Variants in TAF1A observed in about 807,000 individuals in gnomAD.
TAF1A encodes the protein TATA box-binding protein-associated factor RNA polymerase I subunit A.
A neutral mutation model predicts 61.6 loss-of-function variants in TAF1A; 42 were observed. The ratio of observed to expected loss-of-function variants is 0.68; its 90% confidence interval spans 0.53 to 0.88. The LOEUF (loss-of-function observed/expected upper bound fraction) is 0.88. Ranked by LOEUF, TAF1A falls within the 40% of genes least tolerant of loss-of-function variation. TAF1A has a pLI of 0.00. For synonymous variants in TAF1A, 179 were observed against 177.7 expected, an observed-to-expected ratio of 1.01 and a Z score of -0.06; for missense variants, 424 against 518.7, an observed-to-expected ratio of 0.82 and a Z score of 1.77.
chr1:222,570,585 ATGCAGAAATATT>A lies in TAF1A; in HGVS notation c.673_684del (p.Asn225_Ala228del), dbSNP rs1319383597. ...TCCCAAACTCCAGGAATTTTAATCA[ATGCAGAAATATT>A]TGCAGATGTCTTCCAGCTGTGGTTG... On this transcript the variant is annotated inframe_deletion, in exon 6 of 11. Transcript: ENST00000352967. The A allele has an allele frequency of 3.3e-5, 53 of 1,613,174 alleles. No individual in the cohort carries two copies. The highest frequency in any genetic ancestry group is 4.5e-5 in the Non-Finnish European group (53 of 1,179,422).
At chr1:222,561,329 G>C in intron 10 of TAF1A, 35 bp downstream of exon 10, 1 of 1,577,520 alleles carries the variant, frequency 6.3e-7, no homozygotes, top group Non-Finnish European at 8.6e-7. Flanking sequence ...ATCAGCCAAA[G>C]CTGTGTCTAG....
At chr1:222,583,405 TA>T (rs1660872674) in intron 3 of TAF1A, among the ~76,000 whole-genome samples, 1 of 119,762 alleles carries the variant, frequency 8.3e-6, no homozygotes, top group South Asian at 3.2e-4. Context: ...TGATGGCGTA[TA>T]AAAAACGTCT....
chr1:222,561,730 T>G (rs777270393), intron 9 of TAF1A, among the ~76,000 whole-genome samples: 1 of 152,194 alleles, frequency 6.6e-6, no homozygotes, highest in Non-Finnish European at 1.5e-5. Context: ...ATTTTCCATT[T>G]CACTAAACAG....
intron 7 of TAF1A, among the ~76,000 whole-genome samples, chr1:222,565,160 G>A (rs575742358): frequency 2.0e-4 from 30 of 152,164 alleles, no homozygotes; most frequent in Non-Finnish European, 3.7e-4. Context: ...CCCTTCAAAT[G>A]CCAGTGTTTT....
chr1:222,563,983 G>A (rs533395197), intron 8 of TAF1A, 76 bp downstream of exon 8: 49 of 862,932 alleles, frequency 5.7e-5, no homozygotes, highest in South Asian at 2.8e-4. Flanking sequence ...GGATTTAGCC[G>A]ATGGGCTAAA....
chr1:222,582,956 G>A (rs867565398), intron 3 of TAF1A, among the ~76,000 whole-genome samples: 5 of 152,136 alleles, frequency 3.3e-5, no homozygotes, highest in African/African-American at 1.2e-4. Flanking sequence ...GGCCGAGGTG[G>A]ACAGATCACT....
At chr1:222,583,049 G>C (rs1660854775) in intron 3 of TAF1A, among the ~76,000 whole-genome samples, 1 of 152,144 alleles carries the variant, frequency 6.6e-6, no homozygotes, top group Admixed American at 6.5e-5. Context: ...GATAGGTGTG[G>C]TGGTGCATGC....
At chr1:222,576,208 G>A (rs1660566774) in intron 5 of TAF1A, among the ~76,000 whole-genome samples, 1 of 152,140 alleles carries the variant, frequency 6.6e-6, no homozygotes, top group Non-Finnish European at 1.5e-5. Context: ...GATCCAATGA[G>A]TCTTGAAGAA....
intron 7 of TAF1A, among the ~76,000 whole-genome samples, chr1:222,567,268 T>C (rs1190729452): frequency 6.6e-6 from 1 of 152,142 alleles, no homozygotes; most frequent in Non-Finnish European, 1.5e-5. Context: ...AGATGGAAAT[T>C]AGCACAGAGG....
intron 2 of TAF1A, among the ~76,000 whole-genome samples, chr1:222,587,089 C>G (rs147896837): frequency 1.3e-5 from 2 of 152,270 alleles, no homozygotes; most frequent in East Asian, 3.9e-4. Context: ...CTAGTTTGTT[C>G]CCTACCAGGG....
chr1:222,570,407 G>C (rs1360595412), intron 6 of TAF1A, 128 bp downstream of exon 6: 14 of 956,830 alleles, frequency 1.5e-5, no homozygotes, highest in Non-Finnish European at 1.9e-5. Flanking sequence ...AAGAGACACC[G>C]TATTTTTGCT....
rs376604110 is a variant in TAF1A at position 222,569,491 on chromosome 1, C to T, written c.894+19G>A. The T allele has an allele frequency of 5.9e-5, 95 of 1,613,244 alleles. No individual in the cohort carries two copies. The African/African-American group carries it at 8.8e-4, about 15-fold the overall frequency. ...TAGATTCCCAACCCTGGTCAAACAT[C>T]GAGATAAAAATTCTATACCTTAAGC... On this transcript the variant is annotated intron_variant, in intron 7 of 10. Transcript: ENST00000352967.
At chr1:222,587,250 T>C (rs754524052) in intron 2 of TAF1A, among the ~76,000 whole-genome samples, 23 of 152,202 alleles carry the variant, frequency 1.5e-4, no homozygotes, top group Non-Finnish European at 2.5e-4. Context: ...ACTTTACATA[T>C]ATTGTCTCAT....
chr1:222,558,989 A>C (rs1230735702), intron 10 of TAF1A, among the ~76,000 whole-genome samples: 1 of 152,218 alleles, frequency 6.6e-6, no homozygotes, highest in African/African-American at 2.4e-5. Context: ...ATATGGCATA[A>C]GTATATTCTC....
rs1659834760 is a variant in TAF1A at position 222,559,682 on chromosome 1, T to G, written c.1241-910A>C. On this transcript the variant is annotated intron_variant, in intron 10 of 10. Coordinates refer to ENST00000352967, the MANE Select transcript of TAF1A (RefSeq NM_005681.4). ...TGCCAGAATTGCTAACATCTTTGTTTTGTTGTTTTTCCTGAGATGGGGTCT... is the reference window on the plus strand; with the variant it reads ...TGCCAGAATTGCTAACATCTTTGTTGTGTTGTTTTTCCTGAGATGGGGTCT... 2.6e-5 allele frequency among the ~76,000 whole-genome samples: 4 copies of G among 152,202 alleles called. No individual in the cohort carries two copies. In the South Asian group the frequency reaches 8.3e-4, roughly 32 times the overall value.
chr1:222,572,640 A>AT (rs1660406316), intron 5 of TAF1A, among the ~76,000 whole-genome samples: 3 of 152,192 alleles, frequency 2.0e-5, no homozygotes, highest in Admixed American at 2.0e-4. Context: ...GATTACAGGC[A>AT]TGGCCACTGC....
At position 222,561,443 on chromosome 1, in the gene TAF1A, A is replaced by G. The variant is rs1165961549; in HGVS notation, c.1161T>C (p.Phe387=). 1 of 1,612,556 alleles carries G rather than the reference A, an allele frequency of 6.2e-7. No homozygotes were observed. The highest frequency in any genetic ancestry group is 8.5e-7 in the Non-Finnish European group (1 of 1,179,280). Residue 387 remains phenylalanine (F), a synonymous_variant, in exon 10 of 11, where the codon TTT becomes TTC. Transcript: ENST00000352967. ...CTTCCTTCCAATCACTTTTTGCCCA[A>G]AAGTAGCTGAAATGAAAGCCTGGCC... ...NWWPGFHFSY[F]WAKSDWKEDT... is the part of the protein sequence containing the mutation.
At chr1:222,567,256 G>A (rs1011521272) in intron 7 of TAF1A, among the ~76,000 whole-genome samples, 30 of 152,122 alleles carry the variant, frequency 2.0e-4, no homozygotes, top group African/African-American at 6.0e-4. Flanking sequence ...TCAAATTCAC[G>A]AAGATGGAAA....
At chr1:222,583,681 A>G (rs1269925657) in intron 3 of TAF1A, among the ~76,000 whole-genome samples, 1 of 152,018 alleles carries the variant, frequency 6.6e-6, no homozygotes, top group African/African-American at 2.4e-5. Context: ...CTACCAAAAT[A>G]CAAAAAATTA....
Sources: gnomAD v4.1 joint callset for allele counts (sites outside exome capture counted in the v4.1 genomes callset) on GRCh38, gnomAD v4.1.1 for gene constraint, MANE v1.5 for transcripts, NCBI Gene and HGNC (gene_info 2026-07-23, HGNC 2026-07-21) for gene names.